Variants in ZNF385D observed in about 807,000 individuals in gnomAD.
ZNF385D encodes the protein zinc finger protein 385D, also known as zinc finger protein 659.
In ZNF385D, 15 loss-of-function variants were observed where a neutral mutation model predicts 35.8. That is an observed-to-expected ratio of 0.42 (90% CI 0.28 to 0.64). The LOEUF (loss-of-function observed/expected upper bound fraction) is 0.64, where lower values mean the gene tolerates loss of function less well. Ranked by LOEUF, ZNF385D falls within the 30% of genes least tolerant of loss-of-function variation. The pLI is 0.23. For missense variants in ZNF385D, 474 were observed against 494.6 expected, an observed-to-expected ratio of 0.96 and a Z score of 0.39; for synonymous variants, 212 against 186.8, an observed-to-expected ratio of 1.13 and a Z score of -1.10.
At chr3:21,589,858 A>T (rs2063918192) in intron 2 of ZNF385D, among the ~76,000 whole-genome samples, 1 of 152,202 alleles carries the variant, frequency 6.6e-6, no homozygotes, top group Non-Finnish European at 1.5e-5. Flanking sequence ...CCACTGATGA[A>T]GATGTAGAAC....
intron 3 of ZNF385D, among the ~76,000 whole-genome samples, chr3:21,819,852 T>C (rs1203436207): frequency 6.8e-6 from 1 of 147,950 alleles, no homozygotes; most frequent in Non-Finnish European, 1.5e-5. Context: ...CATATATACA[T>C]AAATATACAC....
At chr3:22,191,010 C>T (rs17689605) in intron 2 of ZNF385D, among the ~76,000 whole-genome samples, 78,216 of 151,778 alleles carry the variant, frequency 0.52, 20,458 homozygotes, top group Middle Eastern at 0.63. Context: ...ATAAGAAATA[C>T]GTGTGTTTTT....
At chr3:22,204,104 A>G (rs933520287) in intron 2 of ZNF385D, among the ~76,000 whole-genome samples, 11 of 152,016 alleles carry the variant, frequency 7.2e-5, no homozygotes, top group Non-Finnish European at 1.5e-4. Flanking sequence ...GTTGCTTCTT[A>G]CACGACTTCC....
chr3:21,631,187 C>T (rs1449974003), intron 2 of ZNF385D, among the ~76,000 whole-genome samples: 1 of 152,096 alleles, frequency 6.6e-6, no homozygotes. Context: ...TCCTTTTCCA[C>T]GCTGCACTTC....
At chr3:21,483,886 T>C (rs1262243793) in intron 4 of ZNF385D, among the ~76,000 whole-genome samples, 2 of 152,174 alleles carry the variant, frequency 1.3e-5, no homozygotes, top group Admixed American at 6.5e-5. Context: ...TTGCAGACCA[T>C]AAGTTTTTAA....
chr3:22,129,860 C>T (rs1703670543), intron 3 of ZNF385D, among the ~76,000 whole-genome samples: 1 of 152,110 alleles, frequency 6.6e-6, no homozygotes, highest in Non-Finnish European at 1.5e-5. Flanking sequence ...AGACCCTTCC[C>T]TCTCTTTTCC....
intron 2 of ZNF385D, among the ~76,000 whole-genome samples, chr3:22,294,394 T>G (rs1036183035): frequency 4.6e-5 from 7 of 152,118 alleles, no homozygotes; most frequent in African/African-American, 1.7e-4. Context: ...AGAAAACTGT[T>G]CCTATGAATA....
At chr3:21,481,562 C>T (rs146945728) in intron 4 of ZNF385D, among the ~76,000 whole-genome samples, 375 of 152,226 alleles carry the variant, frequency 2.5e-3, no homozygotes, top group African/African-American at 8.2e-3. Context: ...CAGGGTCTCG[C>T]TCTGTCATCC....
chr3:21,707,390 G>A (rs1221873439), intron 1 of ZNF385D, among the ~76,000 whole-genome samples: 6 of 152,166 alleles, frequency 3.9e-5, no homozygotes, highest in Non-Finnish European at 7.3e-5. Flanking sequence ...AGTAAGCACC[G>A]TTTAACTTTG....
chr3:21,952,665 T>G (rs1702116834), intron 3 of ZNF385D, among the ~76,000 whole-genome samples: 1 of 152,012 alleles, frequency 6.6e-6, no homozygotes, highest in Non-Finnish European at 1.5e-5. Context: ...AACTCCGAGC[T>G]TGGCCTAAAA....
At chr3:21,787,899 GCCACTGCACTCC>G (rs2071759702) in intron 3 of ZNF385D, among the ~76,000 whole-genome samples, 1 of 135,694 alleles carries the variant, frequency 7.4e-6, no homozygotes, top group Admixed American at 8.3e-5. Flanking sequence ...GCGAGATCGA[GCCACTGCACTCC>G]AGCCTGGGCG....
rs547725635 is a variant in ZNF385D at position 21,640,322 on chromosome 3, C to T, written c.165+24564G>A. ...TAAAGAAAAGTGTGAAAATACATCCCGTTCCACACAAACCATGTTCTTAAG... is the reference window on the plus strand; with the variant it reads ...TAAAGAAAAGTGTGAAAATACATCCTGTTCCACACAAACCATGTTCTTAAG... On this transcript the variant is annotated intron_variant, in intron 2 of 7. Transcript: ENST00000281523. Among the ~76,000 whole-genome samples the T allele has an allele frequency of 3.3e-5, 5 of 152,136 alleles. No homozygotes were observed. The East Asian group carries it at 5.8e-4, about 18-fold the overall frequency.
intron 2 of ZNF385D, among the ~76,000 whole-genome samples, chr3:21,627,382 T>C (rs773985777): frequency 3.2e-4 from 48 of 151,902 alleles, no homozygotes; most frequent in Non-Finnish European, 1.2e-4. Flanking sequence ...CTCCACATGC[T>C]TCAATTTACA....
chr3:22,177,788 G>A (rs903920136), intron 2 of ZNF385D, among the ~76,000 whole-genome samples: 1 of 152,120 alleles, frequency 6.6e-6, no homozygotes, highest in African/African-American at 2.4e-5. Context: ...CTGTGCCCAT[G>A]TGTTCTCACT....
intron 3 of ZNF385D, among the ~76,000 whole-genome samples, chr3:22,075,151 A>G (rs1303181235): frequency 6.6e-6 from 1 of 151,938 alleles, no homozygotes; most frequent in Non-Finnish European, 1.5e-5. Flanking sequence ...ATCTTTCCAA[A>G]AGAATTCAAC....
intron 2 of ZNF385D, among the ~76,000 whole-genome samples, chr3:22,241,739 G>A (rs1699503813): frequency 6.6e-6 from 1 of 150,492 alleles, no homozygotes; most frequent in East Asian, 2.0e-4. Context: ...TTAGACTGAG[G>A]TGAGAAATAC....
intron 3 of ZNF385D, among the ~76,000 whole-genome samples, chr3:21,810,432 T>C (rs2072866154): frequency 6.6e-6 from 1 of 152,078 alleles, no homozygotes; most frequent in Non-Finnish European, 1.5e-5. Flanking sequence ...AAATGACTAG[T>C]TGATGGGTGC....
intron 2 of ZNF385D, among the ~76,000 whole-genome samples, chr3:22,273,414 A>G (rs922184890): frequency 1.3e-5 from 2 of 151,988 alleles, no homozygotes; most frequent in South Asian, 4.1e-4. Context: ...AATATTTGCA[A>G]CTGGAACTCT....
Position 21,646,857 on chromosome 3 carries a change from A to G in ZNF385D, c.165+18029T>C, listed in dbSNP as rs2065766348. ...GGTTGCTACCTGTAATGGCAGTCCT[A>G]TCCAGCCCCTCTCTGTCTGATGCTA... On this transcript the variant is annotated intron_variant, in intron 2 of 7. Transcript: ENST00000281523. The surrounding 1 kb of genome is among the most constrained non-coding windows in gnomAD (Gnocchi z 4.3). 6.6e-6 allele frequency among the ~76,000 whole-genome samples: 1 copy of G among 152,202 alleles called. No individual in the cohort carries two copies. Among genetic ancestry groups the G allele is most frequent in the Non-Finnish European group, 1.5e-5 (1 of 68,042 alleles).
Sources: allele counts gnomAD v4.1 joint callset (sites outside exome capture counted in the v4.1 genomes callset), GRCh38; gene constraint gnomAD v4.1.1; non-coding constraint Gnocchi (gnomAD v3.1); transcripts MANE v1.5; gene names NCBI Gene and HGNC (gene_info 2026-07-23, HGNC 2026-07-21).